TLE1: variants seen among roughly 807,000 people sequenced by gnomAD.
TLE1 encodes the protein transducin-like enhancer protein 1.
Under a neutral mutation model 89.8 loss-of-function variants are expected in TLE1, and 21 were observed. The observed-to-expected ratio is 0.23, with a 90% CI of 0.17 to 0.34. The LOEUF (loss-of-function observed/expected upper bound fraction) is 0.34, where lower values mean the gene tolerates loss of function less well. TLE1 is among the 10% of genes least tolerant of loss of function. The pLI, the probability that TLE1 is intolerant of heterozygous loss-of-function variation, is 1.00. For missense variants in TLE1, 795 were observed against 1,031.2 expected, an observed-to-expected ratio of 0.77 and a Z score of 3.14; for synonymous variants, 447 against 407.6, an observed-to-expected ratio of 1.10 and a Z score of -1.16.
intron 8 of TLE1, among the ~76,000 whole-genome samples, chr9:81,630,101 AAAT>A (rs1244388148): frequency 2.6e-5 from 4 of 152,234 alleles, no homozygotes; most frequent in East Asian, 1.9e-4. Flanking sequence ...CACTTGGTAT[AAAT>A]AATATGTTCA....
intron 8 of TLE1, among the ~76,000 whole-genome samples, chr9:81,632,393 G>T (rs1460131639): frequency 6.6e-6 from 1 of 151,130 alleles, no homozygotes; most frequent in Non-Finnish European, 1.5e-5. Flanking sequence ...CTACACAGAA[G>T]AGGGGGGAAA....
Position 81,688,447 on chromosome 9 carries a change from C to T in TLE1, c.-207G>A, listed in dbSNP as rs1834662500. On this transcript the variant is annotated 5_prime_UTR_variant, in exon 1 of 20. Transcript: ENST00000376499. ...CGCTCCCGTCGGTGCGGGCTCCGGC[C>T]CTCAGGGCCACATTAGTGGGCGCCC... The T allele has an allele frequency of 2.0e-6, 1 of 499,726 alleles. No individual in the cohort carries two copies. The highest frequency in any genetic ancestry group is 3.4e-6 in the Non-Finnish European group (1 of 293,748). 31.0% of individuals were successfully genotyped at this position (499,726 alleles called of 1,614,324 possible).
chr9:81,686,372 C>T (rs1318216233), intron 2 of TLE1, among the ~76,000 whole-genome samples: 1 of 152,146 alleles, frequency 6.6e-6, no homozygotes, highest in African/African-American at 2.4e-5. Flanking sequence ...TTTTTAAATC[C>T]CTGCCAAAAT....
intron 4 of TLE1, among the ~76,000 whole-genome samples, chr9:81,685,396 G>A (rs756506155): frequency 6.6e-6 from 1 of 152,130 alleles, no homozygotes; most frequent in African/African-American, 2.4e-5. Flanking sequence ...ATCTATACAG[G>A]TGAAAAAGTA....
intron 14 of TLE1, among the ~76,000 whole-genome samples, chr9:81,596,743 T>C (rs1007038454): frequency 8.5e-5 from 13 of 152,148 alleles, no homozygotes; most frequent in African/African-American, 3.1e-4. Context: ...ATCTGCAGTA[T>C]TGAAAGTCAA....
At chr9:81,640,633 G>C (rs528127303) in intron 6 of TLE1, among the ~76,000 whole-genome samples, 1 of 152,108 alleles carries the variant, frequency 6.6e-6, no homozygotes, top group African/African-American at 2.4e-5. Context: ...GGAATAAAGC[G>C]ATCTCATCCA....
In TLE1 at chr9:81,611,755, C is replaced by A; in HGVS notation, c.1254+14G>T. On this transcript the variant is annotated intron_variant, in intron 13 of 19. Transcript: ENST00000376499. ...GTTCCTACCCCAACCACAGCCCACC[C>A]GACAGCGGCCTACCATGGGGGAGCG... 1 of 1,504,860 alleles carries A rather than the reference C, an allele frequency of 6.6e-7. No individual in the cohort carries two copies. Among genetic ancestry groups the A allele is most frequent in the Non-Finnish European group, 8.8e-7 (1 of 1,135,602 alleles). The allele number at this position is 1,504,860 out of a possible 1,614,324, so 93.2% of individuals were successfully genotyped here. A position where few individuals can be genotyped will look rare whatever the true frequency, so the allele number is the denominator to read the frequency against.
At chr9:81,633,200 A>G (rs1319405014) in intron 8 of TLE1, 148 bp downstream of exon 8, 2 of 1,366,400 alleles carry the variant, frequency 1.5e-6, no homozygotes. Flanking sequence ...GAAAAAAAGT[A>G]AAAGAAAAAA....
At chr9:81,633,496 T>G in intron 7 of TLE1, 132 bp from the exon 8 acceptor site, 1 of 1,232,362 alleles carries the variant, frequency 8.1e-7, no homozygotes, top group Non-Finnish European at 1.2e-6. Context: ...TTTATTTATA[T>G]AAGTCATTGC....
In TLE1 at chr9:81,585,654, A is replaced by C; in HGVS notation, c.1979T>G (p.Ile660Ser). 2 of 1,614,068 alleles carry C rather than the reference A, an allele frequency of 1.2e-6. No homozygotes were observed. Among genetic ancestry groups the C allele is most frequent in the Non-Finnish European group, 1.7e-6 (2 of 1,180,002 alleles). ...GGTGGGGCAGTACCCCAGGGAGAAG[A>C]TCTACAAGGAGCAAGACAGGCTCAC... ...QLQQHDFTSQ[I>S]FSLGYCPTGE... Residue 660 changes from isoleucine to serine, a missense_variant and splice_region_variant, in exon 18 of 20, where the codon ATC becomes AGC. Coordinates refer to ENST00000376499, the MANE Select transcript of TLE1 (RefSeq NM_005077.5).
In TLE1 at chr9:81,617,680, C is replaced by G. The variant is rs1824722396; in HGVS notation, c.712-981G>C. On this transcript the variant is annotated intron_variant, in intron 9 of 19. Transcript: ENST00000376499. ...TCGTGCCACTGCACTCTGGCCTAGC[C>G]GACATAGCAAGACTCTGTCACAAAA... is the stretch of plus-strand genomic sequence containing the variant. Among the ~76,000 whole-genome samples the G allele has an allele frequency of 2.0e-5, 3 of 151,622 alleles. No individual in the cohort carries two copies. The South Asian group carries it at 6.2e-4, about 32-fold the overall frequency.
intron 8 of TLE1, among the ~76,000 whole-genome samples, chr9:81,622,119 A>C (rs1825344172): frequency 6.6e-6 from 1 of 152,210 alleles, no homozygotes. Flanking sequence ...AACTCTTGCA[A>C]AGTGCTAACA....
In TLE1 at chr9:81,594,521, C is replaced by T. The variant is rs138913430; in HGVS notation, c.1332-1247G>A. Among the ~76,000 whole-genome samples, 180 of 151,260 alleles carry T rather than the reference C, an allele frequency of 1.2e-3. 7 individuals carry two copies. The East Asian group carries it at 0.028, about 23-fold the overall frequency. Reference sequence around the variant, plus strand: ...TCGCGCCACTGCACTCCAGCCTAGGCGACAAGAGCAAGACTACGTCTTAAA... The same window carrying T: ...TCGCGCCACTGCACTCCAGCCTAGGTGACAAGAGCAAGACTACGTCTTAAA... On this transcript the variant is annotated intron_variant, in intron 14 of 19. Transcript: ENST00000376499.
At position 81,688,566 on chromosome 9, in the gene TLE1, G is replaced by GGGCGGGGA. The variant is rs982329490; in HGVS notation, c.-334_-327dup. The GGGCGGGGA allele has an allele frequency of 3.0e-4, 90 of 296,002 alleles. 1 individual carries two copies. The highest frequency in any genetic ancestry group is 1.9e-3 in the African/African-American group (86 of 45,864). 18.3% of individuals were successfully genotyped at this position (296,002 alleles called of 1,614,324 possible). A position where few individuals can be genotyped will look rare whatever the true frequency, so the allele number is the denominator to read the frequency against. ...CTCCAACCCCCGGCCTCAGCTGCCC[G>GGGCGGGGA]GGCGGGGAGGCGGGGGCGCGGTGAC... On this transcript the variant is annotated 5_prime_UTR_variant, in exon 1 of 20. Coordinates refer to ENST00000376499, the MANE Select transcript of TLE1 (RefSeq NM_005077.5).
At chr9:81,671,861 C>T (rs1253818458) in intron 4 of TLE1, among the ~76,000 whole-genome samples, 1 of 152,144 alleles carries the variant, frequency 6.6e-6, no homozygotes, top group South Asian at 2.1e-4. Context: ...CTAAAAAGTA[C>T]AGAAGTTGGA....
chr9:81,616,181 C>CA, intron 10 of TLE1, 47 bp from the exon 11 acceptor site: 2 of 1,563,996 alleles, frequency 1.3e-6, no homozygotes, highest in African/African-American at 1.4e-5. Context: ...TTGTAACAGA[C>CA]AGACTTTTCC....
At chr9:81,619,798 A>G (rs553229491) in intron 9 of TLE1, among the ~76,000 whole-genome samples, 20 of 152,264 alleles carry the variant, frequency 1.3e-4, no homozygotes, top group East Asian at 3.9e-4. Context: ...TTTTAGCTGG[A>G]TCTGTGACAA....
rs1827987588 is a variant in TLE1 at position 81,583,880 on chromosome 9, G to T, written c.*318C>A. 3.3e-6 allele frequency: 1 copy of T among 305,994 alleles called. No homozygotes were observed. The highest frequency in any genetic ancestry group is 2.1e-5 in the African/African-American group (1 of 48,018). The allele number at this position is 305,994 out of a possible 1,614,324, so 19.0% of individuals were successfully genotyped here. A position where few individuals can be genotyped will look rare whatever the true frequency, so the allele number is the denominator to read the frequency against. On this transcript the variant is annotated 3_prime_UTR_variant, in exon 20 of 20. Transcript: ENST00000376499. ...GAACAGAAAGGTAATCTCACACTTG[G>T]GCAAGGCGTGATCCCCAGATCACCC... is the stretch of plus-strand genomic sequence containing the variant.
At chr9:81,658,104 G>T (rs1011246482) in intron 4 of TLE1, among the ~76,000 whole-genome samples, 1 of 151,548 alleles carries the variant, frequency 6.6e-6, no homozygotes, top group Non-Finnish European at 1.5e-5. Context: ...TAAAGACGGG[G>T]TTTCACCATG....
Sources: gnomAD v4.1 joint callset for allele counts (sites outside exome capture counted in the v4.1 genomes callset) on GRCh38, gnomAD v4.1.1 for gene constraint, MANE v1.5 for transcripts, NCBI Gene and HGNC (gene_info 2026-07-23, HGNC 2026-07-21) for gene names.